DRC11: variants seen among roughly 807,000 people sequenced by gnomAD.
DRC11 encodes dynein regulatory complex subunit 11.
the DRC11 span, among the ~76,000 whole-genome samples, chr2:236,478,930 G>C: frequency 1.3e-5 from 2 of 151,590 alleles, no homozygotes; most frequent in African/African-American, 4.9e-5. The surrounding 1 kb of genome is among the most constrained non-coding windows in gnomAD (Gnocchi z 5.9). Context: ...GTTCAAGCGA[G>C]TGTCCTGCCT....
At chr2:236,491,215 CACAGTATATATATATATATATATAT>C in the DRC11 span, among the ~76,000 whole-genome samples, 3 of 39,712 alleles carry the variant, frequency 7.6e-5, no homozygotes, top group Non-Finnish European at 1.5e-4. Flanking sequence ...TATATATACA[CACAGTATATATATATATATATATAT>C]ACACAGTATA....
At chr2:236,418,967 G>A in the DRC11 span, among the ~76,000 whole-genome samples, 8 of 152,316 alleles carry the variant, frequency 5.3e-5, no homozygotes, top group African/African-American at 1.9e-4. Flanking sequence ...TATAGAAAAT[G>A]TGGCAATGGA....
the DRC11 span, among the ~76,000 whole-genome samples, chr2:236,361,398 T>C: frequency 1.3e-5 from 2 of 152,262 alleles, no homozygotes; most frequent in Admixed American, 6.5e-5. This position sits in a 1 kb window ranked among gnomAD's most constrained non-coding sequence, Gnocchi z 5.7. Flanking sequence ...ATGGCAAATA[T>C]ATGGAGATGT....
chr2:236,455,932 G>C, the DRC11 span, among the ~76,000 whole-genome samples: 8 of 151,852 alleles, frequency 5.3e-5, no homozygotes, highest in Non-Finnish European at 1.2e-4. This position sits in a 1 kb window ranked among gnomAD's most constrained non-coding sequence, Gnocchi z 5.7. Context: ...CCCCTCAGCT[G>C]CATGCCCACC....
At chr2:236,463,735 G>A in the DRC11 span, among the ~76,000 whole-genome samples, 2 of 152,164 alleles carry the variant, frequency 1.3e-5, no homozygotes, top group East Asian at 1.9e-4. The surrounding 1 kb of genome is among the most constrained non-coding windows in gnomAD (Gnocchi z 5.0). Flanking sequence ...AAGTCACTCC[G>A]AGCCTTAGCA....
At chr2:236,440,259 CAAAT>C in the DRC11 span, among the ~76,000 whole-genome samples, 189 of 152,278 alleles carry the variant, frequency 1.2e-3, 2 homozygotes, top group African/African-American at 4.2e-3. Flanking sequence ...GGGTAAATGT[CAAAT>C]GAATGATGTT....
At chr2:236,358,614 G>A in the DRC11 span, among the ~76,000 whole-genome samples, 1 of 145,234 alleles carries the variant, frequency 6.9e-6, no homozygotes, top group African/African-American at 2.5e-5. Flanking sequence ...GGACAGCGGA[G>A]CGGGAAGGGC....
the DRC11 span, among the ~76,000 whole-genome samples, chr2:236,492,032 C>G: frequency 6.6e-6 from 1 of 152,200 alleles, no homozygotes; most frequent in Admixed American, 6.5e-5. Context: ...CGCCTTACTT[C>G]TTGCTCTCTT....
the DRC11 span, among the ~76,000 whole-genome samples, chr2:236,351,104 G>A: frequency 1.1e-4 from 17 of 152,328 alleles, 1 homozygote; most frequent in East Asian, 1.5e-3. The surrounding 1 kb of genome is among the most constrained non-coding windows in gnomAD (Gnocchi z 7.3). Context: ...AATGAAGGCT[G>A]TTCTTTCATT....
the DRC11 span, among the ~76,000 whole-genome samples, chr2:236,388,226 A>G: frequency 1.3e-5 from 2 of 151,556 alleles, no homozygotes; most frequent in African/African-American, 4.9e-5. Context: ...TAGATTGGGG[A>G]AGTTCTCCTG....
chr2:236,362,602 A>G, the DRC11 span, among the ~76,000 whole-genome samples: 1 of 152,188 alleles, frequency 6.6e-6, no homozygotes, highest in Admixed American at 6.5e-5. The surrounding 1 kb of genome is among the most constrained non-coding windows in gnomAD (Gnocchi z 5.7). Context: ...ACAGTAGGCT[A>G]TTGGTAATTA....
chr2:236,343,185 C>T, the DRC11 span, among the ~76,000 whole-genome samples: 2 of 151,990 alleles, frequency 1.3e-5, no homozygotes, highest in African/African-American at 2.4e-5. The surrounding 1 kb of genome is among the most constrained non-coding windows in gnomAD (Gnocchi z 6.6). Context: ...AGGGTGTCTA[C>T]AGGGTATATT....
At chr2:236,418,488 C>T in the DRC11 span, among the ~76,000 whole-genome samples, 2 of 152,350 alleles carry the variant, frequency 1.3e-5, no homozygotes, top group African/African-American at 4.8e-5. Flanking sequence ...ATGAGGCCAT[C>T]TTCAAGCCTG....
the DRC11 span, among the ~76,000 whole-genome samples, chr2:236,450,314 C>CTTTTTTTTTTTTTTTTTTTTTTTTTT: frequency 1.2e-5 from 1 of 82,378 alleles, no homozygotes; most frequent in Non-Finnish European, 2.3e-5. Context: ...CTTTTCTTTT[C>CTTTTTTTTTTTTTTTTTTTTTTTTTT]TTTTTTTTTT....
At chr2:236,343,617 C>T in the DRC11 span, 23 of 801,106 alleles carry the variant, frequency 2.9e-5, no homozygotes, top group East Asian at 6.4e-4. This position sits in a 1 kb window ranked among gnomAD's most constrained non-coding sequence, Gnocchi z 6.6. Flanking sequence ...GTGTGTGACA[C>T]GTGAGACGAA....
At chr2:236,311,695 T>G in the DRC11 span, among the ~76,000 whole-genome samples, 7 of 139,140 alleles carry the variant, frequency 5.0e-5, no homozygotes, top group African/African-American at 1.8e-4. The surrounding 1 kb of genome is among the most constrained non-coding windows in gnomAD (Gnocchi z 6.9). Context: ...CTGGATGGGG[T>G]GCGTGTGTGT....
chr2:236,338,955 G>C, the DRC11 span, among the ~76,000 whole-genome samples: 9 of 152,378 alleles, frequency 5.9e-5, no homozygotes, highest in South Asian at 1.9e-3. Flanking sequence ...CAGCACCCCA[G>C]GGAGGACGAC....
the DRC11 span, among the ~76,000 whole-genome samples, chr2:236,435,716 C>T: frequency 6.6e-6 from 1 of 152,066 alleles, no homozygotes; most frequent in Non-Finnish European, 1.5e-5. Flanking sequence ...CAGGTCTCTC[C>T]CTTGACATGT....
chr2:236,358,847 C>T, the DRC11 span, among the ~76,000 whole-genome samples: 30 of 148,230 alleles, frequency 2.0e-4, no homozygotes, highest in African/African-American at 5.6e-4. Flanking sequence ...GTCACGTGGC[C>T]CCCCAGCTGG....
Sources: allele counts gnomAD v4.1 joint callset (sites outside exome capture counted in the v4.1 genomes callset), GRCh38; gene constraint gnomAD v4.1.1; non-coding constraint Gnocchi (gnomAD v3.1); transcripts MANE v1.5; gene names NCBI Gene and HGNC (gene_info 2026-07-23, HGNC 2026-07-21).